Variants in CLPB observed in about 807,000 individuals in gnomAD.
The protein encoded by CLPB is mitochondrial disaggregase.
A neutral mutation model predicts 78.4 loss-of-function variants in CLPB; 40 were observed. The ratio of observed to expected loss-of-function variants is 0.51; its 90% CI spans 0.40 to 0.66. The LOEUF (loss-of-function observed/expected upper bound fraction) is 0.66. Ranked by LOEUF, CLPB falls within the 30% of genes least tolerant of loss-of-function variation. CLPB has a pLI of 0.00. For synonymous variants in CLPB, 333 were observed against 348.0 expected (o/e 0.96, Z 0.48); for missense variants, 780 against 886.9 (o/e 0.88, Z 1.53).
intron 5 of CLPB, among the ~76,000 whole-genome samples, chr11:72,335,625 C>T (rs2135560282): frequency 6.6e-6 from 1 of 152,318 alleles, no homozygotes; most frequent in East Asian, 1.9e-4. Context: ...GGTTGGGTAC[C>T]ATCCTCTCTG....
intron 3 of CLPB, among the ~76,000 whole-genome samples, chr11:72,396,056 A>T (rs1282819609): frequency 6.6e-6 from 1 of 152,230 alleles, no homozygotes; most frequent in South Asian, 2.1e-4. Context: ...AGGGAAAATA[A>T]GCAAATGCTA....
At chr11:72,306,774 C>CTG (rs763805339) in intron 9 of CLPB, among the ~76,000 whole-genome samples, 73 of 152,242 alleles carry the variant, frequency 4.8e-4, no homozygotes, top group Non-Finnish European at 8.8e-4. Context: ...ACAGCCATGA[C>CTG]TGCACTGAAC....
chr11:72,357,589 G>A (rs1224158142), intron 5 of CLPB, among the ~76,000 whole-genome samples: 4 of 151,338 alleles, frequency 2.6e-5, no homozygotes, highest in East Asian at 3.9e-4. Context: ...CCAGCTACTC[G>A]GGAGGCTGAG....
rs555098776 is a variant in CLPB at position 72,317,292 on chromosome 11, C to T, written c.874-72G>A. ...ACCATAGCTTCACTCTATCCCCCAA[C>T]TCGGGGAAAACACAGGTCTGGGTAT... On this transcript the variant is annotated intron_variant, in intron 6 of 15. Coordinates refer to ENST00000538039, the MANE Select transcript of CLPB (RefSeq NM_001258392.3). 1.2e-5 allele frequency: 14 copies of T among 1,170,168 alleles called. No homozygotes were observed. In the South Asian group the frequency reaches 1.8e-4, roughly 15 times the overall value. 72.5% of individuals were successfully genotyped at this position (1,170,168 alleles called of 1,614,324 possible).
intron 1 of CLPB, among the ~76,000 whole-genome samples, chr11:72,433,072 C>G (rs1286165582): frequency 2.0e-5 from 3 of 152,176 alleles, no homozygotes; most frequent in Non-Finnish European, 2.9e-5. Flanking sequence ...GCCAGTCCCC[C>G]AGCAGTTGCC....
intron 11 of CLPB, among the ~76,000 whole-genome samples, chr11:72,297,980 C>G (rs1949587175): frequency 6.6e-6 from 1 of 152,076 alleles, no homozygotes; most frequent in South Asian, 2.1e-4. Flanking sequence ...GTGTCTCAAA[C>G]AGGAAGCTGT....
At chr11:72,335,477 GGCAGATTTTTCAT>G (rs1950303526) in intron 5 of CLPB, among the ~76,000 whole-genome samples, 1 of 152,120 alleles carries the variant, frequency 6.6e-6, no homozygotes, top group Admixed American at 6.5e-5. Context: ...TTTAACTGAG[GGCAGATTTTTCAT>G]ATATGAGTCC....
At chr11:72,381,945 A>G (rs1590873385) in intron 3 of CLPB, among the ~76,000 whole-genome samples, 1 of 152,090 alleles carries the variant, frequency 6.6e-6, no homozygotes, top group African/African-American at 2.4e-5. Context: ...CCACAAATCC[A>G]GACTCCAGGA....
At chr11:72,355,140 C>T (rs955488456) in intron 5 of CLPB, 5 of 152,218 alleles carry the variant, frequency 3.3e-5, no homozygotes, top group African/African-American at 1.2e-4. Context: ...TTCTTTTTCA[C>T]TATGCTACAG....
chr11:72,363,557 T>A (rs996706544), intron 4 of CLPB: 1 of 152,216 alleles, frequency 6.6e-6, no homozygotes, highest in Non-Finnish European at 1.5e-5. Context: ...TAACCCCTTA[T>A]GTTTGTATCA....
At chr11:72,344,212 A>G (rs1950471110) in intron 5 of CLPB, among the ~76,000 whole-genome samples, 1 of 152,064 alleles carries the variant, frequency 6.6e-6, no homozygotes, top group Non-Finnish European at 1.5e-5. Flanking sequence ...CTACCTTAAA[A>G]AAACATATTT....
At chr11:72,425,830 AACT>A (rs1470386783) in intron 2 of CLPB, among the ~76,000 whole-genome samples, 11 of 152,102 alleles carry the variant, frequency 7.2e-5, no homozygotes. Context: ...TACAAAGTCC[AACT>A]GATATTTTAA....
At chr11:72,347,769 T>C (rs892882017) in intron 5 of CLPB, among the ~76,000 whole-genome samples, 8 of 152,208 alleles carry the variant, frequency 5.3e-5, no homozygotes, top group African/African-American at 1.9e-4. Context: ...GCAGATAGAA[T>C]TGATGTTGCT....
chr11:72,394,915 G>A (rs183310329), intron 3 of CLPB, among the ~76,000 whole-genome samples: 21 of 152,284 alleles, frequency 1.4e-4, no homozygotes, highest in Non-Finnish European at 2.8e-4. Flanking sequence ...CCTATATCAA[G>A]GTACCCTGCT....
chr11:72,345,952 A>G (rs935829143), intron 5 of CLPB, among the ~76,000 whole-genome samples: 1 of 152,224 alleles, frequency 6.6e-6, no homozygotes, highest in Non-Finnish European at 1.5e-5. Context: ...GATGTATTAT[A>G]GGATTGAGCA....
At chr11:72,399,822 C>T (rs766646789) in intron 3 of CLPB, among the ~76,000 whole-genome samples, 37 of 152,262 alleles carry the variant, frequency 2.4e-4, no homozygotes, top group African/African-American at 8.9e-4. Context: ...GCATTTCAGG[C>T]CTGACCAATA....
chr11:72,424,841 G>A (rs1013962064), intron 2 of CLPB, among the ~76,000 whole-genome samples: 1 of 151,748 alleles, frequency 6.6e-6, no homozygotes, highest in African/African-American at 2.4e-5. Context: ...AGCCGAGATC[G>A]CACCACCGCA....
intron 2 of CLPB, among the ~76,000 whole-genome samples, chr11:72,403,983 C>G (rs547761114): frequency 1.3e-5 from 2 of 152,158 alleles, no homozygotes; most frequent in Non-Finnish European, 2.9e-5. Flanking sequence ...GAGTAATCGC[C>G]TCTTTTCAGG....
At chr11:72,416,475 C>A (rs1406328976) in intron 2 of CLPB, among the ~76,000 whole-genome samples, 1 of 152,086 alleles carries the variant, frequency 6.6e-6, no homozygotes, top group Admixed American at 6.5e-5. Context: ...GTGGCTCACA[C>A]CTGTAATCTC....
Sources: gnomAD v4.1 joint callset for allele counts (sites outside exome capture counted in the v4.1 genomes callset) on GRCh38, gnomAD v4.1.1 for gene constraint, MANE v1.5 for transcripts, NCBI Gene and HGNC (gene_info 2026-07-23, HGNC 2026-07-21) for gene names.